The following LPAR1 variants were observed in gnomAD, a reference collection of about 807,000 sequenced individuals.
LPAR1 encodes LPA receptor 1.
Under a neutral mutation model 23.8 loss-of-function variants are expected in LPAR1, and 5 were observed. The observed-to-expected ratio is 0.21, with a 90% CI of 0.11 to 0.44. The LOEUF (loss-of-function observed/expected upper bound fraction) is 0.44, where lower values mean the gene tolerates loss of function less well. Among genes scored for constraint, LPAR1 ranks in the 20% least tolerant of loss-of-function variants. The probability of loss-of-function intolerance (pLI) is 0.99; values close to 1 mark genes in which losing one functional copy is unlikely to be tolerated. For missense variants in LPAR1, 311 were observed against 482.8 expected, an observed-to-expected ratio of 0.64 and a Z score of 3.33; for synonymous variants, 160 against 164.7, an observed-to-expected ratio of 0.97 and a Z score of 0.22.
At chr9:110,997,166 C>T (rs1223160008) in intron 2 of LPAR1, among the ~76,000 whole-genome samples, 1 of 152,162 alleles carries the variant, frequency 6.6e-6, no homozygotes, top group African/African-American at 2.4e-5. Flanking sequence ...AAGACACTGA[C>T]CCCAAGCTGG....
intron 2 of LPAR1, among the ~76,000 whole-genome samples, chr9:111,034,869 C>T (rs1720859416): frequency 6.6e-6 from 1 of 152,184 alleles, no homozygotes; most frequent in Admixed American, 6.5e-5. Context: ...CAGCCTTCAT[C>T]ACCCCACACT....
intron 2 of LPAR1, among the ~76,000 whole-genome samples, chr9:110,992,863 A>T (rs2096922989): frequency 2.0e-5 from 3 of 152,206 alleles, no homozygotes; most frequent in Non-Finnish European, 4.4e-5. Flanking sequence ...ATTTCAAACA[A>T]CAGGAGAAAA....
chr9:110,908,691 A>C (rs948078053), intron 5 of LPAR1, among the ~76,000 whole-genome samples: 2 of 152,176 alleles, frequency 1.3e-5, no homozygotes, highest in African/African-American at 4.8e-5. Flanking sequence ...TTGAAAATGC[A>C]AAGGGCCAGC....
chr9:110,941,572 G>A lies in LPAR1; in HGVS notation c.642C>T (p.Asn214=), dbSNP rs1448755930. The part of the protein sequence containing the change: ...DSYLVFWAIF[N]LVTFVVMVVL... ...CCACCATTACCACAAAGGTCACCAA[G>A]TTGAAAATGGCCCAGAAGACTAAGT... Residue 214 remains asparagine, a synonymous_variant, in exon 5 of 6, where the codon AAC becomes AAT. Coordinates refer to ENST00000683809, the MANE Select transcript of LPAR1 (RefSeq NM_001351411.2). The surrounding 1 kb of genome is among the most constrained non-coding windows in gnomAD (Gnocchi z 6.1). 4 of 1,614,024 alleles carry A rather than the reference G, an allele frequency of 2.5e-6. No homozygotes were observed. The highest frequency in any genetic ancestry group is 3.4e-6 in the Non-Finnish European group (4 of 1,180,018).
intron 4 of LPAR1, among the ~76,000 whole-genome samples, chr9:110,955,124 C>T (rs916353673): frequency 2.0e-5 from 3 of 152,174 alleles, no homozygotes; most frequent in Non-Finnish European, 2.9e-5. Flanking sequence ...AAACTTTCCA[C>T]TTAAAAGATA....
chr9:110,986,038 C>T (rs2139315394), intron 2 of LPAR1, among the ~76,000 whole-genome samples: 1 of 152,182 alleles, frequency 6.6e-6, no homozygotes, highest in African/African-American at 2.4e-5. Flanking sequence ...AAAAAATCCT[C>T]TTGAAAAGTA....
At chr9:110,922,767 A>G (rs1164490211) in intron 5 of LPAR1, among the ~76,000 whole-genome samples, 1 of 151,282 alleles carries the variant, frequency 6.6e-6, no homozygotes, top group Non-Finnish European at 1.5e-5. Flanking sequence ...TAGGGAAGAT[A>G]GAAAAGTAAA....
intron 2 of LPAR1, among the ~76,000 whole-genome samples, chr9:111,021,698 C>G (rs2097562833): frequency 6.6e-6 from 1 of 152,126 alleles, no homozygotes; most frequent in South Asian, 2.1e-4. Flanking sequence ...CCGTGGCTCA[C>G]GCCTGTAATC....
intron 5 of LPAR1, among the ~76,000 whole-genome samples, chr9:110,935,322 C>T (rs1411739331): frequency 6.6e-6 from 1 of 151,630 alleles, no homozygotes; most frequent in Non-Finnish European, 1.5e-5. Context: ...GGGTCTCGGT[C>T]TCTTCATTTG....
At chr9:110,994,785 T>G (rs2096963972) in intron 2 of LPAR1, among the ~76,000 whole-genome samples, 1 of 152,176 alleles carries the variant, frequency 6.6e-6, no homozygotes, top group Admixed American at 6.6e-5. Context: ...TAAAAGTGAC[T>G]GTTACAAAGT....
intron 2 of LPAR1, among the ~76,000 whole-genome samples, chr9:111,000,316 AT>A (rs938554667): frequency 1.3e-5 from 2 of 152,188 alleles, no homozygotes; most frequent in African/African-American, 2.4e-5. Context: ...GAATTCTAAC[AT>A]GAAAAATTTC....
chr9:111,025,828 G>C lies in LPAR1; in HGVS notation c.-182+10294C>G, dbSNP rs576549599. 3.1e-4 allele frequency among the ~76,000 whole-genome samples: 47 copies of C among 152,128 alleles called. 1 individual carries two copies. The East Asian group carries it at 7.4e-3, about 24-fold the overall frequency. The stretch of plus-strand genomic sequence containing the variant: ...AATCCTTTCCCCATTGCTTGTTTTT[G>C]TCAGGTTTGTCAAAAATCAGATGGT... On this transcript the variant is annotated intron_variant, in intron 2 of 5. Coordinates refer to ENST00000683809, the MANE Select transcript of LPAR1 (RefSeq NM_001351411.2).
At chr9:110,939,360 C>G (rs1297620769) in intron 5 of LPAR1, among the ~76,000 whole-genome samples, 1 of 152,218 alleles carries the variant, frequency 6.6e-6, no homozygotes, top group East Asian at 1.9e-4. Flanking sequence ...ATATTACAAT[C>G]TTATTCCCAT....
intron 5 of LPAR1, among the ~76,000 whole-genome samples, chr9:110,884,365 G>A (rs2081768666): frequency 6.6e-6 from 1 of 152,012 alleles, no homozygotes; most frequent in East Asian, 1.9e-4. Flanking sequence ...TATGCTCTCA[G>A]CACTATAAAA....
chr9:110,921,181 G>A (rs1251039733), intron 5 of LPAR1, among the ~76,000 whole-genome samples: 1 of 152,094 alleles, frequency 6.6e-6, no homozygotes, highest in Non-Finnish European at 1.5e-5. Flanking sequence ...GGGTGAGGTA[G>A]GACGATGGCT....
intron 5 of LPAR1, among the ~76,000 whole-genome samples, chr9:110,879,480 C>T (rs1301343113): frequency 1.5e-5 from 2 of 129,650 alleles, no homozygotes; most frequent in Non-Finnish European, 3.3e-5. Flanking sequence ...ACATCAGAAA[C>T]AGAAGTAGCA....
intron 5 of LPAR1, among the ~76,000 whole-genome samples, chr9:110,937,290 T>C (rs914726915): frequency 2.6e-5 from 4 of 152,376 alleles, no homozygotes; most frequent in African/African-American, 2.4e-5. Context: ...CACTGCTTGC[T>C]GTTCAAATGT....
intron 5 of LPAR1, among the ~76,000 whole-genome samples, chr9:110,880,431 T>A (rs2080432736): frequency 6.6e-6 from 1 of 152,226 alleles, no homozygotes; most frequent in Admixed American, 6.5e-5. Context: ...TTTTCTAGAA[T>A]GACTTTTTCC....
chr9:110,927,056 C>G (rs550787298), intron 5 of LPAR1, among the ~76,000 whole-genome samples: 2 of 152,276 alleles, frequency 1.3e-5, no homozygotes, highest in African/African-American at 4.8e-5. Context: ...GGCCCTTGGA[C>G]CACACCTGGA....
Sources: gnomAD v4.1 joint callset for allele counts (sites outside exome capture counted in the v4.1 genomes callset) on GRCh38, gnomAD v4.1.1 for gene constraint, Gnocchi (gnomAD v3.1) non-coding constraint, MANE v1.5 for transcripts, NCBI Gene and HGNC (gene_info 2026-07-23, HGNC 2026-07-21) for gene names.